PCLO: variants seen among roughly 807,000 people sequenced by gnomAD.
PCLO encodes the protein protein piccolo.
A neutral mutation model predicts 427.5 loss-of-function variants in PCLO; 82 were observed. The ratio of observed to expected loss-of-function variants is 0.19; its 90% confidence interval spans 0.16 to 0.23. The LOEUF is 0.23. Among genes scored for constraint, PCLO ranks in the 10% least tolerant of loss-of-function variants. The pLI, the probability that PCLO is intolerant of heterozygous loss-of-function variation, is 1.00. For missense variants in PCLO, 6,239 were observed against 6,115.9 expected, an observed-to-expected ratio of 1.02 and a Z score of -0.67; for synonymous variants, 2,357 against 2,155.4, an observed-to-expected ratio of 1.09 and a Z score of -2.59.
chr7:82,874,466 C>T (rs529585849), intron 10 of PCLO, among the ~76,000 whole-genome samples: 2 of 152,224 alleles, frequency 1.3e-5, no homozygotes, highest in African/African-American at 4.8e-5. Context: ...TTCCCTTCGT[C>T]ATGAGATCTT....
chr7:82,936,885 G>A (rs1794964670), intron 6 of PCLO, among the ~76,000 whole-genome samples: 1 of 151,802 alleles, frequency 6.6e-6, no homozygotes, highest in East Asian at 1.9e-4. Flanking sequence ...TGAAGTGAGA[G>A]AAGCCCATGA....
chr7:82,911,931 G>A (rs887474502), intron 7 of PCLO, among the ~76,000 whole-genome samples: 1 of 152,018 alleles, frequency 6.6e-6, no homozygotes, highest in African/African-American at 2.4e-5. Flanking sequence ...TGTTTCTAGC[G>A]TGCTTCAAGC....
intron 3 of PCLO, among the ~76,000 whole-genome samples, chr7:83,059,884 T>A (rs1301066696): frequency 6.6e-6 from 1 of 152,138 alleles, no homozygotes; most frequent in Non-Finnish European, 1.5e-5. Context: ...CCTTTAGAAG[T>A]GTGCTGAGTC....
chr7:82,930,046 A>G (rs1466081272), intron 6 of PCLO, among the ~76,000 whole-genome samples: 2 of 152,216 alleles, frequency 1.3e-5, no homozygotes, highest in South Asian at 2.1e-4. Context: ...GATAAACTTT[A>G]TAATAAAAGC....
chr7:82,895,798 A>C (rs1307698674), intron 9 of PCLO, among the ~76,000 whole-genome samples: 1 of 151,980 alleles, frequency 6.6e-6, no homozygotes, highest in Non-Finnish European at 1.5e-5. Context: ...ATAACAAATA[A>C]AGGCATTGAA....
At chr7:83,128,082 T>C (rs1791482988) in intron 3 of PCLO, among the ~76,000 whole-genome samples, 1 of 152,074 alleles carries the variant, frequency 6.6e-6, no homozygotes, top group South Asian at 2.1e-4. Context: ...TACCCAATAT[T>C]AATTGCACTT....
At chr7:82,847,108 A>C in intron 11 of PCLO, 31 bp downstream of exon 11, 6 of 1,286,484 alleles carry the variant, frequency 4.7e-6, no homozygotes, top group Non-Finnish European at 5.6e-6. Context: ...ATAGCCAAAA[A>C]ATGGAAACAG....
At chr7:83,065,267 G>A (rs10240326) in intron 3 of PCLO, among the ~76,000 whole-genome samples, 2 of 151,684 alleles carry the variant, frequency 1.3e-5, no homozygotes, top group Non-Finnish European at 2.9e-5. Flanking sequence ...TTTCTATAAG[G>A]CTTTTTCTAC....
intron 3 of PCLO, among the ~76,000 whole-genome samples, chr7:83,093,492 A>ATATATATTTTTTTTTTT: frequency 4.7e-4 from 28 of 59,300 alleles, no homozygotes; most frequent in African/African-American, 1.4e-3. Context: ...ATATATATAT[A>ATATATATTTTTTTTTTT]TTTTTTTTTT....
At chr7:83,089,513 C>T (rs977817174) in intron 3 of PCLO, among the ~76,000 whole-genome samples, 8 of 152,138 alleles carry the variant, frequency 5.3e-5, no homozygotes, top group Admixed American at 3.3e-4. Context: ...TCCAGAATGG[C>T]CCCCTTGGCT....
At chr7:82,982,020 C>T (rs991460451) in intron 3 of PCLO, among the ~76,000 whole-genome samples, 1 of 152,070 alleles carries the variant, frequency 6.6e-6, no homozygotes, top group African/African-American at 2.4e-5. Flanking sequence ...ATGAGAATGT[C>T]CTGTGTGCTC....
chr7:83,054,268 C>A (rs1019863844), intron 3 of PCLO, among the ~76,000 whole-genome samples: 2 of 151,972 alleles, frequency 1.3e-5, no homozygotes, highest in Non-Finnish European at 2.9e-5. Flanking sequence ...AAAACCAACA[C>A]CTAGATGTGC....
chr7:82,941,091 G>GTTT (rs5885325), intron 6 of PCLO, among the ~76,000 whole-genome samples: 1 of 148,486 alleles, frequency 6.7e-6, no homozygotes, highest in African/African-American at 2.5e-5. Context: ...AATCATTAAG[G>GTTT]TTTTTTTTTT....
At chr7:82,908,397 T>G (rs1442725915) in intron 8 of PCLO, among the ~76,000 whole-genome samples, 1 of 152,076 alleles carries the variant, frequency 6.6e-6, no homozygotes, top group African/African-American at 2.4e-5. Flanking sequence ...ACAAAACAAC[T>G]AACATTTCCA....
In PCLO at chr7:82,755,689, AC is replaced by A. The variant is rs1196012186; in HGVS notation, c.*2885del. ...AGTTAATTCCAATAAAATGAAATAA[AC>A]TAAAGAGTGAAAAACCATGTACTGT... On this transcript the variant is annotated 3_prime_UTR_variant, in exon 25 of 25. Coordinates refer to ENST00000333891, the MANE Select transcript of PCLO (RefSeq NM_033026.6). The A allele has an allele frequency of 6.6e-6, 1 of 152,164 alleles. No homozygotes were observed. The highest frequency in any genetic ancestry group is 1.5e-5 in the Non-Finnish European group (1 of 68,022). The allele number at this position is 152,164 out of a possible 1,614,324, so 9.4% of individuals were successfully genotyped here.
intron 3 of PCLO, among the ~76,000 whole-genome samples, chr7:83,042,476 A>G (rs1318917703): frequency 6.6e-6 from 1 of 152,192 alleles, no homozygotes; most frequent in Non-Finnish European, 1.5e-5. Context: ...CAAGATTTAT[A>G]GACTTTGGGC....
At chr7:83,085,857 T>G (rs1273270143) in intron 3 of PCLO, among the ~76,000 whole-genome samples, 4 of 152,204 alleles carry the variant, frequency 2.6e-5, no homozygotes, top group Non-Finnish European at 5.9e-5. Context: ...TTTGTGGTAT[T>G]ATAGTATTAA....
At chr7:82,963,009 T>C (rs1264580858) in intron 4 of PCLO, among the ~76,000 whole-genome samples, 2 of 152,140 alleles carry the variant, frequency 1.3e-5, no homozygotes, top group South Asian at 2.1e-4. Flanking sequence ...TTCTTAAAAA[T>C]AGAGGATTGC....
chr7:83,093,829 G>T, intron 3 of PCLO, among the ~76,000 whole-genome samples: 1 of 134,140 alleles, frequency 7.5e-6, no homozygotes. Context: ...AAAAATCCTA[G>T]GTTGTTTACT....
Sources: allele counts gnomAD v4.1 joint callset (sites outside exome capture counted in the v4.1 genomes callset), GRCh38; gene constraint gnomAD v4.1.1; transcripts MANE v1.5; gene names NCBI Gene and HGNC (gene_info 2026-07-23, HGNC 2026-07-21).